Variants in EDNRA observed in about 807,000 individuals in gnomAD.
EDNRA encodes endothelin receptor type A, also known as endothelin-1 receptor.
Under a neutral mutation model 41.4 loss-of-function variants are expected in EDNRA, and 11 were observed. The ratio of observed to expected loss-of-function variants is 0.27; its 90% CI spans 0.17 to 0.44. EDNRA has a LOEUF of 0.44. Ranked by LOEUF, EDNRA falls within the 20% of genes least tolerant of loss-of-function variation. The pLI, the probability that EDNRA is intolerant of heterozygous loss-of-function variation, is 1.00. For synonymous variants in EDNRA, 172 were observed against 183.0 expected (o/e 0.94, Z 0.49); for missense variants, 294 against 531.0 (o/e 0.55, Z 4.39).
At chr4:147,533,196 T>C (rs1730812469) in intron 4 of EDNRA, among the ~76,000 whole-genome samples, 2 of 152,358 alleles carry the variant, frequency 1.3e-5, no homozygotes, top group East Asian at 3.9e-4. Flanking sequence ...TACTTACATG[T>C]ACTTATATTA....
At position 147,485,654 on chromosome 4, in the gene EDNRA, A is replaced by G. The variant is rs775616848; in HGVS notation, c.-28A>G. The stretch of plus-strand genomic sequence containing the variant: ...GTGTAAAAGCAGCACAAGTGCAATA[A>G]GAGATATTTCCTCAAATTTGCCTCA... On this transcript the variant is annotated 5_prime_UTR_variant, in exon 2 of 8. Coordinates refer to ENST00000651419, the MANE Select transcript of EDNRA (RefSeq NM_001957.4). 1 of 1,551,776 alleles carries G rather than the reference A, an allele frequency of 6.4e-7. No individual in the cohort carries two copies. The highest frequency in any genetic ancestry group is 2.3e-5 in the East Asian group (1 of 44,292).
intron 2 of EDNRA, chr4:147,493,969 G>C (rs1350410243): frequency 1.3e-5 from 2 of 152,178 alleles, no homozygotes; most frequent in East Asian, 3.8e-4. Context: ...TCGCTTCTCA[G>C]AACTTAAACA....
In EDNRA at chr4:147,532,654, G is replaced by A; in HGVS notation, c.697G>A (p.Gly233Ser). 1.2e-6 allele frequency: 2 copies of A among 1,614,064 alleles called. No individual in the cohort carries two copies. Among genetic ancestry groups the A allele is most frequent in the East Asian group, 2.2e-5 (1 of 44,864 alleles). Residue 233 changes from glycine (G) to serine (S), a missense_variant, in exon 4 of 8, where the codon GGT (glycine) becomes AGT (serine). This residue lies in a region of EDNRA where 185 missense variants were observed against 390.8 expected (regional missense o/e 0.47). Coordinates refer to ENST00000651419, the MANE Select transcript of EDNRA (RefSeq NM_001957.4). ...CGTCATGGTACCCTTTGAATATAGGGGTGAACAGCATAAAACCTGTATGCT... is the reference window on the plus strand; with the variant it reads ...CGTCATGGTACCCTTTGAATATAGGAGTGAACAGCATAAAACCTGTATGCT... ...GFVMVPFEYRGEQHKTCMLNA... is the reference protein window; with the variant it reads ...GFVMVPFEYRSEQHKTCMLNA...
At chr4:147,533,212 G>A (rs1730813291) in intron 4 of EDNRA, among the ~76,000 whole-genome samples, 2 of 151,994 alleles carry the variant, frequency 1.3e-5, no homozygotes, top group Admixed American at 1.3e-4. Flanking sequence ...TATTAGTACG[G>A]TTTCTATGTC....
At chr4:147,499,114 G>A (rs574229983) in intron 2 of EDNRA, among the ~76,000 whole-genome samples, 8 of 152,136 alleles carry the variant, frequency 5.3e-5, no homozygotes, top group Admixed American at 1.3e-4. Flanking sequence ...GGAGTTCAGC[G>A]GCATAACCAC....
At chr4:147,511,133 T>C (rs1729906773) in intron 2 of EDNRA, among the ~76,000 whole-genome samples, 1 of 152,172 alleles carries the variant, frequency 6.6e-6, no homozygotes, top group South Asian at 2.1e-4. Flanking sequence ...CTTTTGTGGT[T>C]TTAATACTCT....
chr4:147,523,819 C>T (rs1730432277), intron 3 of EDNRA, among the ~76,000 whole-genome samples: 1 of 152,024 alleles, frequency 6.6e-6, no homozygotes, highest in African/African-American at 2.4e-5. Flanking sequence ...TCTGTTCTAA[C>T]GTTAATGCTG....
At chr4:147,521,334 T>C (rs1430142179) in intron 3 of EDNRA, among the ~76,000 whole-genome samples, 1 of 152,142 alleles carries the variant, frequency 6.6e-6, no homozygotes. Context: ...AACACAAAGA[T>C]CAGAAATAAC....
At chr4:147,500,314 G>A (rs567934309) in intron 2 of EDNRA, among the ~76,000 whole-genome samples, 4 of 152,262 alleles carry the variant, frequency 2.6e-5, no homozygotes, top group Middle Eastern at 3.4e-3. Flanking sequence ...GAAAGTGGGG[G>A]ATAAGATAAG....
In EDNRA at chr4:147,532,993, G is replaced by GT. The variant is rs767628795; in HGVS notation, c.747+290dup. 6.5e-4 allele frequency among the ~76,000 whole-genome samples: 94 copies of GT among 143,744 alleles called. 1 individual carries two copies. Among genetic ancestry groups the GT allele is most frequent in the African/African-American group, 2.5e-3 (89 of 36,012 alleles). The allele number at this position is 143,744 out of a possible 152,430, so 94.3% of individuals were successfully genotyped here. ...TTACTAAGAGGGACTAGATGTGTGT[G>GT]TGTGTGTGTGTATGTGTGTGTGTGT... On this transcript the variant is annotated intron_variant, in intron 4 of 7. Coordinates refer to ENST00000651419, the MANE Select transcript of EDNRA (RefSeq NM_001957.4).
At chr4:147,488,680 C>T (rs1729027367) in intron 2 of EDNRA, 1 of 152,176 alleles carries the variant, frequency 6.6e-6, no homozygotes. Context: ...AAAAGGCTCA[C>T]AGTATTTAGG....
At chr4:147,487,373 G>A (rs1728983069) in intron 2 of EDNRA, among the ~76,000 whole-genome samples, 1 of 152,150 alleles carries the variant, frequency 6.6e-6, no homozygotes, top group Admixed American at 6.5e-5. Flanking sequence ...CAAGAATTCA[G>A]ATATACTAAA....
At chr4:147,535,150 T>C (rs1730876497) in intron 4 of EDNRA, among the ~76,000 whole-genome samples, 1 of 152,212 alleles carries the variant, frequency 6.6e-6, no homozygotes, top group African/African-American at 2.4e-5. Context: ...TCATTTTCCA[T>C]TTTTATAGGG....
At position 147,485,381 on chromosome 4, in the gene EDNRA, T is replaced by C. The variant is rs10305865; in HGVS notation, c.-70-231T>C. On this transcript the variant is annotated intron_variant, in intron 1 of 7. Transcript: ENST00000651419. The stretch of plus-strand genomic sequence containing the variant: ...ACAGAGACGGAGATGACAGAGATGA[T>C]GGAGATGATGGAGATGGAGATGGAG... Among the ~76,000 whole-genome samples the C allele has an allele frequency of 0.028, 4,195 of 152,096 alleles. 200 individuals are homozygous for C. The highest frequency in any genetic ancestry group is 0.093 in the African/African-American group (3,849 of 41,486).
At chr4:147,489,504 G>A (rs771936358) in intron 2 of EDNRA, 5 of 152,252 alleles carry the variant, frequency 3.3e-5, no homozygotes, top group South Asian at 2.1e-4. Flanking sequence ...TCCTATTAAC[G>A]TTTTATTCCC....
intron 7 of EDNRA, 45 bp downstream of exon 7, chr4:147,540,530 A>G (rs201937846): frequency 5.8e-6 from 8 of 1,378,474 alleles, no homozygotes; most frequent in Non-Finnish European, 8.1e-6. Flanking sequence ...CAAAATGAGT[A>G]TATTAAACAG....
chr4:147,481,993 T>C (rs923234777), intron 1 of EDNRA, among the ~76,000 whole-genome samples: 3 of 152,212 alleles, frequency 2.0e-5, no homozygotes, highest in Admixed American at 1.3e-4. Flanking sequence ...TGCTTCTAGA[T>C]AATCACCCTC....
chr4:147,506,424 G>A, intron 2 of EDNRA: 1 of 394,944 alleles, frequency 2.5e-6, no homozygotes, highest in East Asian at 6.3e-5. Context: ...GCAAATAGAG[G>A]AATCTTCCAA....
rs1029616216 is a variant in EDNRA, at chr4:147,536,028, A to G, written c.899A>G (p.Gln300Arg). Residue 300 changes from glutamine (Q) to arginine (R), a missense_variant and splice_region_variant, in exon 5 of 8, where the codon CAG becomes CGG. Transcript: ENST00000651419. ...ATTGCCCTCAGTGAACATCTTAAGCAGGTAAATCCCATAACATCATGAAAA... is the reference window on the plus strand; with the variant it reads ...ATTGCCCTCAGTGAACATCTTAAGCGGGTAAATCCCATAACATCATGAAAA... ...LRIALSEHLK[Q>R]RREVAKTVFC... 3 of 1,613,966 alleles carry G rather than the reference A, an allele frequency of 1.9e-6. No individual in the cohort carries two copies. The highest frequency in any genetic ancestry group is 2.5e-6 in the Non-Finnish European group (3 of 1,179,880).
Sources: gnomAD v4.1 joint callset for allele counts (sites outside exome capture counted in the v4.1 genomes callset) on GRCh38, gnomAD v4.1.1 for gene constraint, gnomAD v4.1.1 regional missense constraint, MANE v1.5 for transcripts, NCBI Gene and HGNC (gene_info 2026-07-23, HGNC 2026-07-21) for gene names.